Variants in RALGAPB observed in about 807,000 individuals in gnomAD.
RALGAPB encodes the protein Ral GTPase activating protein non-catalytic subunit beta, also known as ral GTPase-activating protein subunit beta.
Under a neutral mutation model 161.1 loss-of-function variants are expected in RALGAPB, and 25 were observed. The observed-to-expected ratio is 0.16, with a 90% CI of 0.11 to 0.22. RALGAPB has a LOEUF of 0.22. RALGAPB is among the 10% of genes least tolerant of loss of function. The pLI is 1.00. For missense variants in RALGAPB, 1,391 were observed against 1,815.2 expected, an observed-to-expected ratio of 0.77 and a Z score of 4.25; for synonymous variants, 629 against 626.1, an observed-to-expected ratio of 1.00 and a Z score of -0.07.
At chr20:38,497,046 G>A (rs924621247) in intron 3 of RALGAPB, among the ~76,000 whole-genome samples, 1 of 152,208 alleles carries the variant, frequency 6.6e-6, no homozygotes, top group Non-Finnish European at 1.5e-5. Flanking sequence ...TTGAGTGTCT[G>A]CTATTATGTG....
At position 38,570,845 on chromosome 20, in the gene RALGAPB, G is replaced by A. The variant is rs1251039938; in HGVS notation, c.4140G>A (p.Leu1380=). The A allele has an allele frequency of 1.3e-6, 2 of 1,590,170 alleles. No individual in the cohort carries two copies. The highest frequency in any genetic ancestry group is 4.5e-5 in the East Asian group (2 of 44,626). The part of the protein sequence containing the change: ...VETTANSSTS[L]RSTTLEKEVP... ...CTACTGCAAATAGTAGCACTTCACT[G>A]AGGTACACTCTATTTGCTTGAAGTT... Residue 1380 remains leucine (L), a splice_region_variant and synonymous_variant, in exon 28 of 30, where the codon CTG becomes CTA. Transcript: ENST00000262879.
At position 38,525,939 on chromosome 20, in the gene RALGAPB, T is replaced by C. The variant is rs779866265; in HGVS notation, c.1947T>C (p.Tyr649=). The change falls in exon 13 of 30, where the codon TAT becomes TAC. Residue 649 remains tyrosine, a synonymous_variant. Transcript: ENST00000262879. Reference sequence around the variant, plus strand: ...TTAGTAACGATGACAGCTCTTCTTATGATAAACCAATAACTTTTCTGTCCC... The same window carrying C: ...TTAGTAACGATGACAGCTCTTCTTACGATAAACCAATAACTTTTCTGTCCC... ...GKFSNDDSSS[Y]DKPITFLSLK... is the part of the protein sequence containing the mutation. The C allele has an allele frequency of 1.2e-5, 20 of 1,613,810 alleles. No homozygotes were observed. Among genetic ancestry groups the C allele is most frequent in the Non-Finnish European group, 1.4e-5 (17 of 1,179,822 alleles).
chr20:38,569,718 C>A (rs1221606950), intron 26 of RALGAPB, 170 bp from the exon 27 acceptor site: 4 of 571,096 alleles, frequency 7.0e-6, no homozygotes, highest in East Asian at 5.6e-5. Context: ...TGAACAGGAG[C>A]CAAAGAAGAG....
chr20:38,537,418 A>T (rs1034737978), intron 16 of RALGAPB, among the ~76,000 whole-genome samples: 1 of 152,172 alleles, frequency 6.6e-6, no homozygotes, highest in Admixed American at 6.5e-5. Context: ...GCAGGAAGAG[A>T]CCAGTCTGGG....
chr20:38,509,231 T>C (rs1330480709), intron 6 of RALGAPB, 23 bp downstream of exon 6: 2 of 1,606,934 alleles, frequency 1.2e-6, no homozygotes, highest in South Asian at 1.1e-5. Flanking sequence ...TATTATTTCA[T>C]GTGCCATTTA....
intron 18 of RALGAPB, among the ~76,000 whole-genome samples, chr20:38,542,214 G>A (rs2086994270): frequency 6.6e-6 from 1 of 152,160 alleles, no homozygotes; most frequent in African/African-American, 2.4e-5. Flanking sequence ...AAGTTAGTGT[G>A]GGCTGGGGCA....
At chr20:38,496,579 G>T (rs1283194949) in intron 3 of RALGAPB, among the ~76,000 whole-genome samples, 2 of 152,096 alleles carry the variant, frequency 1.3e-5, no homozygotes, top group Admixed American at 1.3e-4. Context: ...GAGGGTAAGG[G>T]CTGGGACCTG....
chr20:38,487,165 A>C (rs932472350), intron 1 of RALGAPB, among the ~76,000 whole-genome samples: 1 of 152,224 alleles, frequency 6.6e-6, no homozygotes, highest in African/African-American at 2.4e-5. Flanking sequence ...CAGTGGGAGC[A>C]GCATGACCAG....
intron 20 of RALGAPB, 106 bp downstream of exon 20, chr20:38,548,901 C>A: frequency 3.2e-6 from 3 of 949,912 alleles, no homozygotes; most frequent in Non-Finnish European, 4.9e-6. Flanking sequence ...TGATCCCTAG[C>A]CAGATTCTCA....
At chr20:38,481,416 T>A (rs1340705564) in intron 1 of RALGAPB, among the ~76,000 whole-genome samples, 1 of 152,210 alleles carries the variant, frequency 6.6e-6, no homozygotes, top group African/African-American at 2.4e-5. Flanking sequence ...CTCACAATCA[T>A]GGCAGAAGGC....
At chr20:38,522,044 T>A (rs1395872722) in intron 10 of RALGAPB, among the ~76,000 whole-genome samples, 37 of 152,250 alleles carry the variant, frequency 2.4e-4, no homozygotes, top group Non-Finnish European at 5.9e-5. Context: ...TCCAAGGAGC[T>A]TATTTTCTGG....
chr20:38,567,300 T>C, intron 26 of RALGAPB, 68 bp downstream of exon 26: 1 of 1,552,158 alleles, frequency 6.4e-7, no homozygotes, highest in Admixed American at 2.0e-5. Context: ...GAATCCTGCC[T>C]GAAAAGCTTT....
chr20:38,505,354 T>C (rs1405110372), intron 5 of RALGAPB, among the ~76,000 whole-genome samples: 3 of 152,192 alleles, frequency 2.0e-5, no homozygotes, highest in African/African-American at 7.2e-5. Context: ...ATGTTCTTAC[T>C]TATAAGTGGG....
At chr20:38,518,043 C>CCTTTTT in intron 9 of RALGAPB, 43 bp downstream of exon 9, 2 of 1,548,158 alleles carry the variant, frequency 1.3e-6, no homozygotes, top group Non-Finnish European at 1.8e-6. Flanking sequence ...TTTTCCTTTT[C>CCTTTTT]CTTTTTCTTT....
At chr20:38,566,329 C>T (rs1389719159) in intron 25 of RALGAPB, among the ~76,000 whole-genome samples, 1 of 152,154 alleles carries the variant, frequency 6.6e-6, no homozygotes, top group African/African-American at 2.4e-5. Context: ...GGCTTCCCGT[C>T]AAGGTTCTGG....
chr20:38,575,196 A>T lies in RALGAPB; in HGVS notation c.*229A>T. ...ACTCCTGCTGATAATGATGATATAC[A>T]TTTTAGCCATAAACTTTCTTTTAAA... is the stretch of plus-strand genomic sequence containing the variant. On this transcript the variant is annotated 3_prime_UTR_variant, in exon 30 of 30. Coordinates refer to ENST00000262879, the MANE Select transcript of RALGAPB (RefSeq NM_020336.4). 1 of 454,552 alleles carries T rather than the reference A, an allele frequency of 2.2e-6. No homozygotes were observed. Among genetic ancestry groups the T allele is most frequent in the South Asian group, 3.8e-5 (1 of 26,392 alleles). The allele number at this position is 454,552 out of a possible 1,614,324, so 28.2% of individuals were successfully genotyped here. A position where few individuals can be genotyped will look rare whatever the true frequency, so the allele number is the denominator to read the frequency against.
chr20:38,504,614 A>G (rs1353452142), intron 5 of RALGAPB, among the ~76,000 whole-genome samples: 1 of 152,222 alleles, frequency 6.6e-6, no homozygotes, highest in Non-Finnish European at 1.5e-5. Flanking sequence ...TGCACAGTAA[A>G]AGAAACTATC....
intron 29 of RALGAPB, 23 bp downstream of exon 29, chr20:38,574,321 A>C: frequency 6.4e-7 from 1 of 1,563,866 alleles, no homozygotes; most frequent in South Asian, 1.2e-5. Flanking sequence ...TATGTGGCCG[A>C]AGAGTTAAAT....
At chr20:38,496,987 G>A (rs972712611) in intron 3 of RALGAPB, among the ~76,000 whole-genome samples, 5 of 152,194 alleles carry the variant, frequency 3.3e-5, no homozygotes, top group African/African-American at 1.2e-4. Flanking sequence ...TTCAATGTGA[G>A]CAGCAAGGGT....
Sources: gnomAD v4.1 joint callset for allele counts (sites outside exome capture counted in the v4.1 genomes callset) on GRCh38, gnomAD v4.1.1 for gene constraint, MANE v1.5 for transcripts, NCBI Gene and HGNC (gene_info 2026-07-23, HGNC 2026-07-21) for gene names.